KRABD2: variants seen among roughly 807,000 people sequenced by gnomAD.
KRABD2 encodes KRAB domain containing 2, also known as KRAB domain-containing protein 2.
the KRABD2 span, chr17:8,369,274 C>A: frequency 1.9e-6 from 3 of 1,614,138 alleles, no homozygotes; most frequent in African/African-American, 2.7e-5. Context: ...AGGCTATTTT[C>A]TAGCTGTTCT....
At chr17:8,369,636 C>T in the KRABD2 span, 1 of 1,614,258 alleles carries the variant, frequency 6.2e-7, no homozygotes, top group Non-Finnish European at 8.5e-7. Flanking sequence ...CTCAACGCCA[C>T]TGTCAGAGTC....
the KRABD2 span, among the ~76,000 whole-genome samples, chr17:8,367,863 T>C: frequency 1.3e-5 from 2 of 149,758 alleles, no homozygotes; most frequent in African/African-American, 4.9e-5. Context: ...TCTGCTGACC[T>C]TCCCTCCACT....
chr17:8,371,980 AG>A, the KRABD2 span: 1 of 986,654 alleles, frequency 1.0e-6, no homozygotes, highest in African/African-American at 1.7e-5. Context: ...TGATGAGGCC[AG>A]GGGAGTTCAC....
the KRABD2 span, among the ~76,000 whole-genome samples, chr17:8,361,140 A>G: frequency 6.6e-6 from 1 of 152,218 alleles, no homozygotes; most frequent in African/African-American, 2.4e-5. Context: ...CTAGTTCTGA[A>G]AAAGTGGGTA....
At chr17:8,369,771 A>G in the KRABD2 span, 1 of 1,614,228 alleles carries the variant, frequency 6.2e-7, no homozygotes, top group Non-Finnish European at 8.5e-7. Context: ...GTAGTATAAA[A>G]TGAACTTGAA....
chr17:8,375,865 A>G, the KRABD2 span: 5 of 1,223,368 alleles, frequency 4.1e-6, no homozygotes, highest in Non-Finnish European at 3.1e-6. Context: ...AAAACTGGAA[A>G]TATTTCCAAA....
the KRABD2 span, among the ~76,000 whole-genome samples, chr17:8,374,023 G>A: frequency 6.7e-6 from 1 of 149,758 alleles, no homozygotes; most frequent in African/African-American, 2.5e-5. Context: ...CTGGCCAGCC[G>A]CCCCGTCCGG....
the KRABD2 span, chr17:8,372,178 A>T: frequency 2.0e-6 from 1 of 499,676 alleles, no homozygotes; most frequent in Non-Finnish European, 2.6e-6. The surrounding 1 kb of genome is among the most constrained non-coding windows in gnomAD (Gnocchi z 4.1). Flanking sequence ...CTTCACTAAA[A>T]GGGCTTCAAA....
chr17:8,373,017 A>C, the KRABD2 span, among the ~76,000 whole-genome samples: 2 of 152,272 alleles, frequency 1.3e-5, no homozygotes, highest in Non-Finnish European at 2.9e-5. Flanking sequence ...ATGAAATTCT[A>C]CAGTAGAGTC....
chr17:8,363,844 T>C, the KRABD2 span, among the ~76,000 whole-genome samples: 17 of 84,028 alleles, frequency 2.0e-4, no homozygotes, highest in South Asian at 6.7e-4. Flanking sequence ...TATATATATA[T>C]ATATATATAT....
chr17:8,364,550 G>A, the KRABD2 span, among the ~76,000 whole-genome samples: 9 of 152,220 alleles, frequency 5.9e-5, no homozygotes, highest in Non-Finnish European at 1.3e-4. The surrounding 1 kb of genome is among the most constrained non-coding windows in gnomAD (Gnocchi z 4.4). Flanking sequence ...CCACAGAAAC[G>A]AATATGCATG....
At chr17:8,358,880 C>T in the KRABD2 span, among the ~76,000 whole-genome samples, 11 of 152,212 alleles carry the variant, frequency 7.2e-5, no homozygotes, top group South Asian at 2.1e-4. Flanking sequence ...TCTTACATAA[C>T]CACAGTACAA....
the KRABD2 span, chr17:8,371,278 A>G: frequency 1.3e-6 from 2 of 1,519,084 alleles, no homozygotes; most frequent in East Asian, 2.3e-5. Context: ...ATTGTCCACA[A>G]GATTAATAAA....
At chr17:8,363,830 C>CATATATATATATATATAT in the KRABD2 span, among the ~76,000 whole-genome samples, 1 of 86,982 alleles carries the variant, frequency 1.1e-5, no homozygotes, top group East Asian at 4.5e-4. Context: ...ATATATCATA[C>CATATATATATATATATAT]ATATATATAT....
the KRABD2 span, chr17:8,371,475 A>G: frequency 1.2e-6 from 2 of 1,612,768 alleles, no homozygotes; most frequent in Non-Finnish European, 1.7e-6. Context: ...GGCCTGGGCT[A>G]AAGAGCAGCT....
the KRABD2 span, among the ~76,000 whole-genome samples, chr17:8,373,126 G>T: frequency 7.0e-6 from 1 of 141,868 alleles, no homozygotes; most frequent in East Asian, 2.3e-4. Flanking sequence ...CCGTCTCCAC[G>T]GTCTCCCTCT....
At chr17:8,371,917 C>A in the KRABD2 span, 1 of 993,260 alleles carries the variant, frequency 1.0e-6, no homozygotes, top group East Asian at 1.1e-4. Flanking sequence ...GAACTTGATA[C>A]TCAGTTGTCT....
At chr17:8,372,045 A>G in the KRABD2 span, 1 of 985,650 alleles carries the variant, frequency 1.0e-6, no homozygotes, top group African/African-American at 1.7e-5. The surrounding 1 kb of genome is among the most constrained non-coding windows in gnomAD (Gnocchi z 4.1). Context: ...CCGAGATCCC[A>G]GCTGTCAGAT....
the KRABD2 span, among the ~76,000 whole-genome samples, chr17:8,361,207 C>T: frequency 1.3e-5 from 2 of 152,162 alleles, no homozygotes; most frequent in Non-Finnish European, 2.9e-5. Context: ...CTCTCCATCT[C>T]GGAAGTGGGG....
Sources: gnomAD v4.1 joint callset for allele counts (sites outside exome capture counted in the v4.1 genomes callset) on GRCh38, gnomAD v4.1.1 for gene constraint, Gnocchi (gnomAD v3.1) non-coding constraint, MANE v1.5 for transcripts, NCBI Gene and HGNC (gene_info 2026-07-23, HGNC 2026-07-21) for gene names.